SCAI: variants seen among roughly 807,000 people sequenced by gnomAD.
SCAI encodes the protein protein SCAI.
SCAI carries 24 observed loss-of-function variants against 92.2 expected under a neutral mutation model. The ratio of observed to expected loss-of-function variants is 0.26; its 90% CI spans 0.19 to 0.37. The LOEUF (loss-of-function observed/expected upper bound fraction) is 0.37, where lower values mean the gene tolerates loss of function less well. Among genes scored for constraint, SCAI ranks in the 10% least tolerant of loss-of-function variants. The probability of loss-of-function intolerance (pLI) is 1.00; values close to 1 mark genes in which losing one functional copy is unlikely to be tolerated. For missense variants in SCAI, 450 were observed against 736.2 expected, an observed-to-expected ratio of 0.61 and a Z score of 4.50; for synonymous variants, 261 against 258.6, an observed-to-expected ratio of 1.01 and a Z score of -0.09.
At chr9:124,983,746 G>A (rs1429320341) in intron 14 of SCAI, among the ~76,000 whole-genome samples, 1 of 152,194 alleles carries the variant, frequency 6.6e-6, no homozygotes, top group Non-Finnish European at 1.5e-5. Context: ...TATCACAGAA[G>A]GTGACAAGTG....
At chr9:125,106,401 T>C (rs1271008747) in intron 2 of SCAI, among the ~76,000 whole-genome samples, 1 of 151,584 alleles carries the variant, frequency 6.6e-6, no homozygotes, top group East Asian at 1.9e-4. Flanking sequence ...CTCTGTACAA[T>C]TTCTACTATA....
At chr9:125,061,709 A>G (rs1034739922) in intron 2 of SCAI, among the ~76,000 whole-genome samples, 1 of 152,208 alleles carries the variant, frequency 6.6e-6, no homozygotes, top group East Asian at 1.9e-4. Context: ...GCAGTGAGCT[A>G]TAACAGTGTC....
At chr9:125,022,566 C>T (rs1207685893) in intron 6 of SCAI, among the ~76,000 whole-genome samples, 1 of 152,132 alleles carries the variant, frequency 6.6e-6, no homozygotes, top group Non-Finnish European at 1.5e-5. Context: ...TGTGTGCCAC[C>T]ATGCCTGGGT....
At chr9:125,125,261 G>A (rs1263335873) in intron 2 of SCAI, among the ~76,000 whole-genome samples, 9 of 151,928 alleles carry the variant, frequency 5.9e-5, no homozygotes, top group African/African-American at 2.2e-4. Flanking sequence ...GGCCAGGCGC[G>A]GTGTCTCACG....
intron 2 of SCAI, among the ~76,000 whole-genome samples, chr9:125,086,661 T>C (rs1254975993): frequency 6.6e-6 from 1 of 152,208 alleles, no homozygotes. Context: ...AGATTCTTAA[T>C]AGATCAAAAT....
At chr9:125,125,831 C>CAAA (rs34484716) in intron 2 of SCAI, among the ~76,000 whole-genome samples, 1 of 81,982 alleles carries the variant, frequency 1.2e-5, no homozygotes, top group Non-Finnish European at 2.5e-5. Context: ...GACTTTGTCT[C>CAAA]AAAAAAAAAA....
At chr9:125,017,963 C>T (rs1457415116) in intron 9 of SCAI, among the ~76,000 whole-genome samples, 1 of 151,710 alleles carries the variant, frequency 6.6e-6, no homozygotes, top group Non-Finnish European at 1.5e-5. Flanking sequence ...GAGCCAAAAT[C>T]ATGACACTGC....
At chr9:125,054,866 G>A (rs1165536522) in intron 3 of SCAI, among the ~76,000 whole-genome samples, 3 of 152,086 alleles carry the variant, frequency 2.0e-5, no homozygotes, top group East Asian at 3.9e-4. Context: ...TGACAAACAG[G>A]GGCCTGCTCT....
chr9:124,986,861 C>T (rs1056004939), intron 14 of SCAI, among the ~76,000 whole-genome samples: 2 of 152,202 alleles, frequency 1.3e-5, no homozygotes, highest in Non-Finnish European at 2.9e-5. Context: ...TTGCTGTAGA[C>T]ATCAGTCAAA....
At chr9:124,967,240 T>C (rs1354907026) in intron 17 of SCAI, among the ~76,000 whole-genome samples, 1 of 152,202 alleles carries the variant, frequency 6.6e-6, no homozygotes, top group Non-Finnish European at 1.5e-5. Context: ...GTTTCCTATA[T>C]AGCTCACAAA....
intron 14 of SCAI, among the ~76,000 whole-genome samples, chr9:124,981,508 T>C (rs575742156): frequency 6.6e-6 from 1 of 152,334 alleles, no homozygotes; most frequent in East Asian, 1.9e-4. Flanking sequence ...AAGTACAACG[T>C]TGGCTATTTA....
rs1012318903 is a variant in SCAI at position 124,948,026 on chromosome 9, T to G, written c.*4781A>C. 2 of 152,218 alleles carry G rather than the reference T, an allele frequency of 1.3e-5. No individual in the cohort carries two copies. The highest frequency in any genetic ancestry group is 2.9e-5 in the Non-Finnish European group (2 of 68,034). 9.4% of individuals were successfully genotyped at this position (152,218 alleles called of 1,614,324 possible). A position where few individuals can be genotyped will look rare whatever the true frequency, so the allele number is the denominator to read the frequency against. On this transcript the variant is annotated 3_prime_UTR_variant, in exon 18 of 18. Coordinates refer to ENST00000336505, the MANE Select transcript of SCAI (RefSeq NM_001144877.3). The stretch of plus-strand genomic sequence containing the variant: ...AAACTGCTTCTCAGAGACAGAAAGT[T>G]ACTATATCACACATGTCAGAGATTA...
intron 2 of SCAI, among the ~76,000 whole-genome samples, chr9:125,123,942 G>C (rs181802609): frequency 2.3e-4 from 35 of 152,326 alleles, no homozygotes; most frequent in African/African-American, 7.2e-4. Flanking sequence ...TATATGGAGA[G>C]AGAACTTAGG....
In SCAI at chr9:124,943,160, G is replaced by T. The variant is rs2131556312; in HGVS notation, c.*9647C>A. ...GGCTTAAGCAATTTAGAACACAACT[G>T]ACAAGACTTTTACAATACCACAAAT... On this transcript the variant is annotated 3_prime_UTR_variant, in exon 18 of 18. Transcript: ENST00000336505. 1 of 152,272 alleles carries T rather than the reference G, an allele frequency of 6.6e-6. No individual in the cohort carries two copies. Among genetic ancestry groups the T allele is most frequent in the East Asian group, 1.9e-4 (1 of 5,186 alleles). The allele number at this position is 152,272 out of a possible 1,614,324, so 9.4% of individuals were successfully genotyped here.
At chr9:125,121,043 T>C (rs1278892319) in intron 2 of SCAI, among the ~76,000 whole-genome samples, 3 of 152,040 alleles carry the variant, frequency 2.0e-5, no homozygotes, top group Admixed American at 6.6e-5. Context: ...TCCTAGCAAC[T>C]ACTAAAAAAC....
At chr9:125,001,299 G>C (rs919497235) in intron 12 of SCAI, among the ~76,000 whole-genome samples, 2 of 152,184 alleles carry the variant, frequency 1.3e-5, no homozygotes, top group Admixed American at 6.5e-5. Context: ...AGGATGTTAA[G>C]AATTTTTTTA....
At position 125,064,753 on chromosome 9, in the gene SCAI, G is replaced by T. The variant is rs141273418; in HGVS notation, c.99-8746C>A. On this transcript the variant is annotated intron_variant, in intron 2 of 17. Transcript: ENST00000336505. ...CCCAGCTACTTGGGAGGCTGAGGCA[G>T]GAAAATCACTTGAACCCAGGAGGCG... Among the ~76,000 whole-genome samples, 1,103 of 152,202 alleles carry T rather than the reference G, an allele frequency of 7.2e-3. 10 individuals are homozygous for T. Among genetic ancestry groups the T allele is most frequent in the African/African-American group, 0.025 (1,047 of 41,520 alleles).
At chr9:125,001,799 C>G (rs1375800034) in intron 12 of SCAI, among the ~76,000 whole-genome samples, 166 bp downstream of exon 12, 2 of 152,088 alleles carry the variant, frequency 1.3e-5, no homozygotes, top group Admixed American at 6.6e-5. Context: ...GAAAATATGA[C>G]AGACTGGGGT....
chr9:125,019,219 C>A lies in SCAI; in HGVS notation c.610-14G>T, dbSNP rs1332317319. On this transcript the variant is annotated splice_polypyrimidine_tract_variant and intron_variant, in intron 7 of 17. Transcript: ENST00000336505. ...ATCTGACAATTCCTGATTTTAAAAA[C>A]ATCACAAAAAAGGTTATTAAAAAAC... 6.2e-6 allele frequency: 9 copies of A among 1,440,592 alleles called. No individual in the cohort carries two copies. Among genetic ancestry groups the A allele is most frequent in the Middle Eastern group, 1.8e-4 (1 of 5,586 alleles). 89.2% of individuals were successfully genotyped at this position (1,440,592 alleles called of 1,614,324 possible). A position where few individuals can be genotyped will look rare whatever the true frequency, so the allele number is the denominator to read the frequency against.
Sources: allele counts gnomAD v4.1 joint callset (sites outside exome capture counted in the v4.1 genomes callset), GRCh38; gene constraint gnomAD v4.1.1; transcripts MANE v1.5; gene names NCBI Gene and HGNC (gene_info 2026-07-23, HGNC 2026-07-21).